CPVL: variants seen among roughly 807,000 people sequenced by gnomAD.
CPVL encodes probable serine carboxypeptidase CPVL.
A neutral mutation model predicts 63.7 loss-of-function variants in CPVL; 51 were observed. That is an observed-to-expected ratio of 0.80 (90% CI 0.64 to 1.01). The LOEUF is 1.01. CPVL is among the 50% of genes least tolerant of loss of function. CPVL has a pLI of 0.00. For missense variants in CPVL, 530 were observed against 573.1 expected (o/e 0.92, Z 0.77); for synonymous variants, 195 against 206.0 (o/e 0.95, Z 0.46).
intron 1 of CPVL, chr7:29,194,896 G>A: frequency 6.9e-7 from 1 of 1,442,932 alleles, no homozygotes; most frequent in East Asian, 2.9e-5. Context: ...CGGCGGCGGC[G>A]TCCGCACCGG....
At chr7:28,998,451 GTGTGA>G (rs1583917070) in intron 12 of CPVL, among the ~76,000 whole-genome samples, 1 of 152,182 alleles carries the variant, frequency 6.6e-6, no homozygotes, top group East Asian at 1.9e-4. Flanking sequence ...ACTGCACGTT[GTGTGA>G]CCTTGGGCAA....
chr7:29,088,339 G>A (rs1378638166), intron 6 of CPVL, among the ~76,000 whole-genome samples: 1 of 152,138 alleles, frequency 6.6e-6, no homozygotes, highest in Non-Finnish European at 1.5e-5. Flanking sequence ...ATCTTGGTCA[G>A]AGATAATCTC....
At chr7:29,087,756 A>T (rs1431122186) in intron 6 of CPVL, among the ~76,000 whole-genome samples, 1 of 152,222 alleles carries the variant, frequency 6.6e-6, no homozygotes, top group Non-Finnish European at 1.5e-5. Flanking sequence ...CAAGGGTTAC[A>T]AAGAGGCAAA....
At chr7:29,098,919 G>A (rs1786744183) in intron 3 of CPVL, among the ~76,000 whole-genome samples, 2 of 152,022 alleles carry the variant, frequency 1.3e-5, no homozygotes. Context: ...AAAAAAATTA[G>A]CTGGGCCTAG....
chr7:29,181,657 G>T (rs1172246844), intron 4 of CPVL, among the ~76,000 whole-genome samples: 2 of 152,046 alleles, frequency 1.3e-5, no homozygotes, highest in Non-Finnish European at 2.9e-5. Context: ...CTTTATTATG[G>T]CCTCCAACTA....
chr7:29,022,559 A>G (rs1157795046), intron 12 of CPVL, among the ~76,000 whole-genome samples: 1 of 152,160 alleles, frequency 6.6e-6, no homozygotes, highest in Non-Finnish European at 1.5e-5. Flanking sequence ...ATTATCCAGG[A>G]GTCTAGGGAT....
chr7:29,170,869 A>C (rs771432268), intron 5 of CPVL, among the ~76,000 whole-genome samples: 1 of 152,208 alleles, frequency 6.6e-6, no homozygotes, highest in African/African-American at 2.4e-5. Context: ...GAGCTTGTGC[A>C]GGAAAACTTC....
At chr7:29,070,436 C>T (rs1021012039) in intron 9 of CPVL, among the ~76,000 whole-genome samples, 1 of 152,176 alleles carries the variant, frequency 6.6e-6, no homozygotes, top group Non-Finnish European at 1.5e-5. Context: ...GCAAATTGGT[C>T]TCATGCCACA....
intron 12 of CPVL, among the ~76,000 whole-genome samples, chr7:29,025,341 G>C (rs1213553156): frequency 6.6e-6 from 1 of 152,132 alleles, no homozygotes; most frequent in Non-Finnish European, 1.5e-5. Flanking sequence ...AGGCAAAGTG[G>C]GTGCATGTGT....
exon 1 of CPVL, chr7:29,195,097 C>G: frequency 1.6e-6 from 2 of 1,252,136 alleles, no homozygotes; most frequent in East Asian, 2.8e-5. Flanking sequence ...CCCGCCCGCT[C>G]TCTCGGAATG....
intron 12 of CPVL, chr7:29,012,210 T>G (rs188318279): frequency 4.8e-4 from 73 of 152,310 alleles, no homozygotes; most frequent in Non-Finnish European, 2.8e-4. Flanking sequence ...TGGAATTGTA[T>G]GAATCTATTA....
chr7:29,098,568 T>C (rs570695564), intron 3 of CPVL, among the ~76,000 whole-genome samples: 34 of 152,312 alleles, frequency 2.2e-4, no homozygotes, highest in African/African-American at 7.9e-4. Context: ...CAGGTAGAAA[T>C]GGTAGAAGCC....
chr7:29,160,389 A>C (rs1489454549), intron 5 of CPVL, among the ~76,000 whole-genome samples: 1 of 152,136 alleles, frequency 6.6e-6, no homozygotes, highest in Non-Finnish European at 1.5e-5. Context: ...TATCCATGTC[A>C]TTCCCCTTCC....
intron 3 of CPVL, among the ~76,000 whole-genome samples, chr7:29,104,706 C>T (rs1014437848): frequency 6.6e-6 from 1 of 152,194 alleles, no homozygotes. Context: ...CTACCTGGCT[C>T]ATTCCTTCAT....
chr7:29,172,721 A>C (rs141662940), intron 5 of CPVL, among the ~76,000 whole-genome samples: 228 of 152,318 alleles, frequency 1.5e-3, no homozygotes, highest in Non-Finnish European at 2.7e-3. Context: ...GATTTCAAGA[A>C]TCATTAATGT....
chr7:29,105,806 T>A (rs1265401144), intron 3 of CPVL, among the ~76,000 whole-genome samples: 1 of 152,198 alleles, frequency 6.6e-6, no homozygotes, highest in African/African-American at 2.4e-5. Flanking sequence ...CACAGCCACA[T>A]CCTCAGTGTT....
At chr7:29,095,795 A>G (rs559179808) in intron 4 of CPVL, among the ~76,000 whole-genome samples, 1 of 152,294 alleles carries the variant, frequency 6.6e-6, no homozygotes, top group African/African-American at 2.4e-5. Context: ...AGTCCACTGC[A>G]AAGAGCTGTC....
chr7:29,003,761 G>A (rs1583941258), intron 12 of CPVL, among the ~76,000 whole-genome samples: 1 of 152,248 alleles, frequency 6.6e-6, no homozygotes, highest in East Asian at 1.9e-4. Flanking sequence ...GGGGAGTGGG[G>A]GATGGTTTGG....
intron 11 of CPVL, among the ~76,000 whole-genome samples, chr7:29,050,599 A>G (rs1331115391): frequency 6.6e-6 from 1 of 151,958 alleles, no homozygotes. Flanking sequence ...ACAAATAAAC[A>G]AGACAAATAG....
Sources: gnomAD v4.1 joint callset for allele counts (sites outside exome capture counted in the v4.1 genomes callset) on GRCh38, gnomAD v4.1.1 for gene constraint, MANE v1.5 for transcripts, NCBI Gene and HGNC (gene_info 2026-07-23, HGNC 2026-07-21) for gene names.